Variants in CSMD3 observed in about 807,000 individuals in gnomAD.
CSMD3 encodes CUB and Sushi multiple domains 3.
Under a neutral mutation model 435.2 loss-of-function variants are expected in CSMD3, and 177 were observed. The ratio of observed to expected loss-of-function variants is 0.41; its 90% CI spans 0.36 to 0.46. The LOEUF (loss-of-function observed/expected upper bound fraction) is 0.46. Ranked by LOEUF, CSMD3 falls within the 20% of genes least tolerant of loss-of-function variation. The probability of loss-of-function intolerance (pLI) is 0.34; values close to 1 mark genes in which losing one functional copy is unlikely to be tolerated. For missense variants in CSMD3, 4,265 were observed against 4,504.6 expected, an observed-to-expected ratio of 0.95 and a Z score of 1.52; for synonymous variants, 1,656 against 1,520.5, an observed-to-expected ratio of 1.09 and a Z score of -2.07.
intron 13 of CSMD3, among the ~76,000 whole-genome samples, chr8:112,776,376 T>C (rs2132223136): frequency 6.6e-6 from 1 of 151,954 alleles, no homozygotes; most frequent in East Asian, 1.9e-4. Context: ...ATTATTTTTC[T>C]TACGAAAATA....
At chr8:112,340,694 C>T (rs1019977112) in intron 42 of CSMD3, among the ~76,000 whole-genome samples, 5 of 152,024 alleles carry the variant, frequency 3.3e-5, no homozygotes, top group African/African-American at 4.8e-5. Flanking sequence ...AGAATATACA[C>T]ATATAAGACA....
chr8:112,312,367 G>A (rs903242502), intron 49 of CSMD3, among the ~76,000 whole-genome samples: 1 of 151,962 alleles, frequency 6.6e-6, no homozygotes, highest in Non-Finnish European at 1.5e-5. Flanking sequence ...TGATTCTCCT[G>A]CCCCAGCCTC....
chr8:112,264,200 T>C (rs966848472), intron 60 of CSMD3, among the ~76,000 whole-genome samples: 10 of 152,120 alleles, frequency 6.6e-5, no homozygotes, highest in Non-Finnish European at 1.0e-4. Flanking sequence ...CTATATATAG[T>C]ATCAGCATCT....
intron 13 of CSMD3, among the ~76,000 whole-genome samples, chr8:112,699,499 T>C (rs1201417131): frequency 6.6e-6 from 1 of 152,198 alleles, no homozygotes; most frequent in African/African-American, 2.4e-5. Context: ...CTGGCAACCA[T>C]CACAGTGGTT....
intron 4 of CSMD3, among the ~76,000 whole-genome samples, chr8:113,131,357 C>G (rs2091279384): frequency 6.6e-6 from 1 of 152,068 alleles, no homozygotes; most frequent in Non-Finnish European, 1.5e-5. Context: ...AACCCTTGCT[C>G]TGTGCAGCCT....
rs868101655 is a variant in CSMD3, at chr8:112,912,247, C to T, written c.1633+9380G>A. Among the ~76,000 whole-genome samples, 3 of 150,976 alleles carry T rather than the reference C, an allele frequency of 2.0e-5. No individual in the cohort carries two copies. In the South Asian group the frequency reaches 6.3e-4, roughly 31 times the overall value. On this transcript the variant is annotated intron_variant, in intron 10 of 70. Coordinates refer to ENST00000297405, the MANE Select transcript of CSMD3 (RefSeq NM_198123.2). ...GGAATGTAGATATGTCTTGGACATA[C>T]TGCTTTCATTTTTTTTTGGATAAAT...
intron 12 of CSMD3, among the ~76,000 whole-genome samples, chr8:112,827,883 C>T (rs1200573307): frequency 6.6e-6 from 1 of 152,082 alleles, no homozygotes; most frequent in East Asian, 1.9e-4. Flanking sequence ...CAATTTTTGC[C>T]ACATGACTAT....
At chr8:113,431,991 C>T (rs577439315) in intron 1 of CSMD3, among the ~76,000 whole-genome samples, 1 of 152,142 alleles carries the variant, frequency 6.6e-6, no homozygotes, top group African/African-American at 2.4e-5. Context: ...GAAGCCTTTG[C>T]TCCTGGAGTA....
intron 7 of CSMD3, among the ~76,000 whole-genome samples, chr8:112,963,365 T>A (rs1234605335): frequency 6.6e-6 from 1 of 151,976 alleles, no homozygotes; most frequent in Non-Finnish European, 1.5e-5. Flanking sequence ...AACATTCTAT[T>A]GTTTTGAAAT....
At position 112,894,017 on chromosome 8, in the gene CSMD3, A is replaced by G. The variant is rs55866377; in HGVS notation, c.1633+27610T>C. On this transcript the variant is annotated intron_variant, in intron 10 of 70. Coordinates refer to ENST00000297405, the MANE Select transcript of CSMD3 (RefSeq NM_198123.2). ...AAGAGAGACTCCCAGGGTAAAATAC[A>G]TTGGATTTAAAGCCAAGTCTAAATC... 6.2e-3 allele frequency among the ~76,000 whole-genome samples: 944 copies of G among 151,592 alleles called. 3 individuals carry two copies. Among genetic ancestry groups the G allele is most frequent in the Non-Finnish European group, 0.01 (694 of 67,634 alleles).
At chr8:112,919,903 T>C (rs1272301085) in intron 10 of CSMD3, among the ~76,000 whole-genome samples, 1 of 151,944 alleles carries the variant, frequency 6.6e-6, no homozygotes, top group Non-Finnish European at 1.5e-5. Flanking sequence ...ATCATAGGAA[T>C]ACTTGAATTT....
chr8:112,439,843 T>G (rs1814791384), intron 32 of CSMD3, among the ~76,000 whole-genome samples: 1 of 146,130 alleles, frequency 6.8e-6, no homozygotes, highest in Non-Finnish European at 1.5e-5. Flanking sequence ...CCCCCATGAT[T>G]CAGTCACCTG....
chr8:112,947,960 A>C, intron 8 of CSMD3, 83 bp from the exon 9 acceptor site: 1 of 682,388 alleles, frequency 1.5e-6, no homozygotes, highest in East Asian at 2.8e-5. Flanking sequence ...AATATACATA[A>C]AATGTATTAT....
intron 3 of CSMD3, among the ~76,000 whole-genome samples, chr8:113,213,618 G>A (rs1302781273): frequency 2.0e-5 from 3 of 151,660 alleles, no homozygotes; most frequent in African/African-American, 7.3e-5. Flanking sequence ...GATTTAATAT[G>A]ATTATTTTCT....
intron 28 of CSMD3, 135 bp downstream of exon 28, chr8:112,516,899 G>T: frequency 1.5e-6 from 1 of 681,636 alleles, no homozygotes; most frequent in Non-Finnish European, 2.5e-6. Flanking sequence ...TGTACATTCT[G>T]CGGAGGTTAA....
intron 9 of CSMD3, among the ~76,000 whole-genome samples, chr8:112,923,537 T>C (rs961101981): frequency 6.6e-6 from 1 of 152,158 alleles, no homozygotes; most frequent in Non-Finnish European, 1.5e-5. Flanking sequence ...TCAGAAGTCC[T>C]GTATCTCCCA....
intron 22 of CSMD3, among the ~76,000 whole-genome samples, chr8:112,635,900 T>C (rs1247719725): frequency 1.3e-5 from 2 of 152,160 alleles, no homozygotes; most frequent in African/African-American, 4.8e-5. Context: ...CCAATTTTCC[T>C]GATTTTGTAG....
At chr8:112,673,442 A>G (rs1169962939) in intron 16 of CSMD3, among the ~76,000 whole-genome samples, 4 of 152,118 alleles carry the variant, frequency 2.6e-5, no homozygotes, top group Non-Finnish European at 4.4e-5. Flanking sequence ...ACATTATTCT[A>G]TATTAGTGCT....
chr8:112,537,401 G>A (rs1010915449), intron 27 of CSMD3, among the ~76,000 whole-genome samples: 8 of 150,542 alleles, frequency 5.3e-5, no homozygotes, highest in Non-Finnish European at 1.2e-4. Context: ...ATCAGAACAG[G>A]AAAAAAAATT....
Sources: allele counts gnomAD v4.1 joint callset (sites outside exome capture counted in the v4.1 genomes callset), GRCh38; gene constraint gnomAD v4.1.1; transcripts MANE v1.5; gene names NCBI Gene and HGNC (gene_info 2026-07-23, HGNC 2026-07-21).